GRIN2A: variants seen among roughly 807,000 people sequenced by gnomAD.
GRIN2A encodes the protein glutamate receptor ionotropic, NMDA 2A.
GRIN2A carries 22 observed loss-of-function variants against 113.4 expected under a neutral mutation model. The ratio of observed to expected loss-of-function variants is 0.19; its 90% CI spans 0.14 to 0.28. GRIN2A has a LOEUF of 0.28. Among genes scored for constraint, GRIN2A ranks in the 10% least tolerant of loss-of-function variants. The pLI is 1.00. For synonymous variants in GRIN2A, 827 were observed against 738.4 expected (o/e 1.12, Z -1.94); for missense variants, 1,502 against 1,887.0 (o/e 0.80, Z 3.78).
At chr16:10,014,336 A>G (rs1330362039) in intron 2 of GRIN2A, among the ~76,000 whole-genome samples, 1 of 152,200 alleles carries the variant, frequency 6.6e-6, no homozygotes, top group Non-Finnish European at 1.5e-5. Context: ...TGACAACTTT[A>G]CCCTGCATTC....
intron 2 of GRIN2A, among the ~76,000 whole-genome samples, chr16:10,136,071 A>T (rs2049184925): frequency 6.6e-6 from 1 of 152,172 alleles, no homozygotes; most frequent in African/African-American, 2.4e-5. Flanking sequence ...CAAGTCTAAA[A>T]GCAGATGTGC....
At chr16:10,004,782 G>A (rs4580161) in intron 2 of GRIN2A, among the ~76,000 whole-genome samples, 50,801 of 151,952 alleles carry the variant, frequency 0.33, 9,182 homozygotes, top group Non-Finnish European at 0.39. Context: ...GATAATACAG[G>A]AAAATCTCCC....
chr16:10,091,731 C>T (rs2048188391), intron 2 of GRIN2A, among the ~76,000 whole-genome samples: 1 of 152,142 alleles, frequency 6.6e-6, no homozygotes, highest in African/African-American at 2.4e-5. Context: ...ATGAATTAAC[C>T]TCAAAGACAT....
chr16:9,914,906 T>C (rs993773456), intron 3 of GRIN2A, among the ~76,000 whole-genome samples: 2 of 12,736 alleles, frequency 1.6e-4, no homozygotes, highest in Admixed American at 7.0e-4. Context: ...ATTATGCAGC[T>C]TTTTTTTTTT....
chr16:10,148,274 T>C (rs376109136), intron 2 of GRIN2A, among the ~76,000 whole-genome samples: 3 of 152,214 alleles, frequency 2.0e-5, no homozygotes, highest in African/African-American at 7.2e-5. Flanking sequence ...CAGAGTTGAG[T>C]AGTTGCAACA....
rs2046369985 is a variant in GRIN2A, at chr16:10,004,323, A to G, written c.415-65772T>C. Among the ~76,000 whole-genome samples, 4 of 151,438 alleles carry G rather than the reference A, an allele frequency of 2.6e-5. No homozygotes were observed. The South Asian group carries it at 8.4e-4, about 32-fold the overall frequency. On this transcript the variant is annotated intron_variant, in intron 2 of 12. Coordinates refer to ENST00000330684, the MANE Select transcript of GRIN2A (RefSeq NM_001134407.3). Reference sequence around the variant, plus strand: ...AGAATCGCTTGAACCCGGGAGGCAGAGGTTACAGTGAGCCGAGATCACACC... The same window carrying G: ...AGAATCGCTTGAACCCGGGAGGCAGGGGTTACAGTGAGCCGAGATCACACC...
intron 3 of GRIN2A, among the ~76,000 whole-genome samples, chr16:9,907,649 TAAAAG>T (rs776658295): frequency 1.3e-5 from 2 of 152,046 alleles, no homozygotes; most frequent in African/African-American, 4.8e-5. Flanking sequence ...CATTAAAAAA[TAAAAG>T]AAAATAAAGC....
rs116748493 is a variant in GRIN2A at position 9,817,621 on chromosome 16, G to C, written c.2168+4643C>G. ...ACTTCTTAGATGGGGAAACTAGAAA[G>C]TGACTTGGAGAGGTGACATGACTTG... On this transcript the variant is annotated intron_variant, in intron 10 of 12. Transcript: ENST00000330684. Among the ~76,000 whole-genome samples, 492 of 152,358 alleles carry C rather than the reference G, an allele frequency of 3.2e-3. 2 individuals are homozygous for C. Among genetic ancestry groups the C allele is most frequent in the African/African-American group, 0.011 (462 of 41,576 alleles).
chr16:9,767,151 C>T (rs971158808), intron 12 of GRIN2A, among the ~76,000 whole-genome samples: 2 of 152,136 alleles, frequency 1.3e-5, no homozygotes, highest in East Asian at 1.9e-4. Context: ...GCTCTATGCA[C>T]GTACGTTGTT....
At chr16:10,052,362 G>C (rs933354779) in intron 2 of GRIN2A, among the ~76,000 whole-genome samples, 3 of 152,230 alleles carry the variant, frequency 2.0e-5, no homozygotes, top group Non-Finnish European at 4.4e-5. Flanking sequence ...CAGTTTTGCA[G>C]AGCTGGTGTT....
chr16:9,799,420 G>A (rs970878766), intron 10 of GRIN2A, among the ~76,000 whole-genome samples: 2 of 152,188 alleles, frequency 1.3e-5, no homozygotes, highest in African/African-American at 2.4e-5. Context: ...CGGTGGAAGC[G>A]TGGTCCTGCA....
At chr16:9,909,667 T>G (rs1052392484) in intron 3 of GRIN2A, among the ~76,000 whole-genome samples, 1 of 152,260 alleles carries the variant, frequency 6.6e-6, no homozygotes, top group African/African-American at 2.4e-5. Flanking sequence ...AAGGCTGTTT[T>G]CTGAAATGCC....
intron 2 of GRIN2A, among the ~76,000 whole-genome samples, chr16:10,146,472 G>C (rs894162961): frequency 6.6e-6 from 1 of 151,976 alleles, no homozygotes; most frequent in Non-Finnish European, 1.5e-5. Context: ...GTGGTACAAG[G>C]GGAGGGAGGT....
chr16:10,054,605 T>G lies in GRIN2A; in HGVS notation c.415-116054A>C, dbSNP rs528744497. ...GATGTTCTGTGTTTCGTTGATTTAA[T>G]GACAAAGTGCCCATCATTCAGTTCA... On this transcript the variant is annotated intron_variant, in intron 2 of 12. Transcript: ENST00000330684. Among the ~76,000 whole-genome samples, 19 of 152,358 alleles carry G rather than the reference T, an allele frequency of 1.2e-4. No individual in the cohort carries two copies. The South Asian group carries it at 3.7e-3, about 30-fold the overall frequency.
At chr16:9,919,802 C>T (rs572848089) in intron 3 of GRIN2A, among the ~76,000 whole-genome samples, 1 of 152,338 alleles carries the variant, frequency 6.6e-6, no homozygotes, top group East Asian at 1.9e-4. Context: ...TGGCTCCTGC[C>T]GTTCTGACCA....
At chr16:10,034,907 A>G (rs2046997403) in intron 2 of GRIN2A, among the ~76,000 whole-genome samples, 1 of 152,240 alleles carries the variant, frequency 6.6e-6, no homozygotes. Flanking sequence ...CAAATTACAC[A>G]TTGATACTTT....
chr16:9,941,968 C>T (rs2044890649), intron 2 of GRIN2A, among the ~76,000 whole-genome samples: 1 of 152,144 alleles, frequency 6.6e-6, no homozygotes, highest in Non-Finnish European at 1.5e-5. Flanking sequence ...CGAGTTTTTA[C>T]CTCTGCACTC....
chr16:9,790,579 T>C (rs770831878), intron 11 of GRIN2A, among the ~76,000 whole-genome samples: 24 of 152,198 alleles, frequency 1.6e-4, no homozygotes, highest in Non-Finnish European at 2.1e-4. Flanking sequence ...TTGACTATTA[T>C]AATATACAAA....
chr16:9,755,314 A>G lies in GRIN2A; in HGVS notation c.*7835T>C, dbSNP rs915735688. The G allele has an allele frequency of 2.7e-5, 5 of 186,690 alleles. No homozygotes were observed. Among genetic ancestry groups the G allele is most frequent in the African/African-American group, 1.2e-4 (5 of 42,740 alleles). 11.6% of individuals were successfully genotyped at this position (186,690 alleles called of 1,614,324 possible). On this transcript the variant is annotated 3_prime_UTR_variant, in exon 13 of 13. Coordinates refer to ENST00000330684, the MANE Select transcript of GRIN2A (RefSeq NM_001134407.3). ...CCAGAGAAGAAATGCTATTGGTCAA[A>G]TCGTTCTTTGGAGTGCTCCATTTCT...
Sources: gnomAD v4.1 joint callset for allele counts (sites outside exome capture counted in the v4.1 genomes callset) on GRCh38, gnomAD v4.1.1 for gene constraint, MANE v1.5 for transcripts, NCBI Gene and HGNC (gene_info 2026-07-23, HGNC 2026-07-21) for gene names.